Variants in SLC26A2 observed in about 807,000 individuals in gnomAD.
The protein encoded by SLC26A2 is sulfate transporter.
In SLC26A2, 36 loss-of-function variants were observed where a neutral mutation model predicts 41.1. The ratio of observed to expected loss-of-function variants is 0.88; its 90% CI spans 0.67 to 1.16. SLC26A2 has a LOEUF of 1.16. Among genes scored for constraint, SLC26A2 ranks in the 50% most tolerant of loss-of-function variants. The pLI, the probability that SLC26A2 is intolerant of heterozygous loss-of-function variation, is 0.00. For synonymous variants in SLC26A2, 291 were observed against 311.6 expected (o/e 0.93, Z 0.70); for missense variants, 796 against 869.6 (o/e 0.92, Z 1.07).
chr5:149,966,165 G>A (rs245052), intron 1 of SLC26A2, among the ~76,000 whole-genome samples: 3 of 152,058 alleles, frequency 2.0e-5, no homozygotes, highest in Non-Finnish European at 2.9e-5. Flanking sequence ...TCGGCCTTCC[G>A]AAGTGCTGAG....
rs962142283 is a variant in SLC26A2 at position 149,968,475 on chromosome 5, A to G, written c.-26+7496A>G. ...ACTCAGGCTGGAGTGCAGTGGCGCA[A>G]TCTTGGCTCACTGCAAGCTCCGCCT... On this transcript the variant is annotated intron_variant, in intron 1 of 2. Transcript: ENST00000286298. Among the ~76,000 whole-genome samples the G allele has an allele frequency of 1.1e-4, 17 of 152,138 alleles. No individual in the cohort carries two copies. In the East Asian group the frequency reaches 1.4e-3, roughly 12 times the overall value.
At chr5:149,963,352 C>A (rs1485307134) in intron 1 of SLC26A2, among the ~76,000 whole-genome samples, 1 of 151,622 alleles carries the variant, frequency 6.6e-6, no homozygotes, top group Non-Finnish European at 1.5e-5. Flanking sequence ...GATCTTGGCT[C>A]ACTGCAACCT....
chr5:149,978,058 G>A lies in SLC26A2; in HGVS notation c.406G>A (p.Glu136Lys), dbSNP rs1277394379. ...TGCTTATTCCCTGCTGGCTGGCCAA[G>A]AACCTGTCTATGGTCTGTACACATC... The part of the protein sequence containing the change: ...SIAYSLLAGQ[E>K]PVYGLYTSFF... Residue 136 changes from glutamate (E) to lysine (K), a missense_variant, in exon 2 of 3, where the codon GAA (glutamate) becomes AAA (lysine). Physicochemically the swap from Glu to Lys is moderately conservative, Grantham distance 56. Transcript: ENST00000286298. 1 of 1,613,152 alleles carries A rather than the reference G, an allele frequency of 6.2e-7. No homozygotes were observed. Among genetic ancestry groups the A allele is most frequent in the Non-Finnish European group, 8.5e-7 (1 of 1,179,494 alleles).
Position 149,984,173 on chromosome 5 carries a change from T to C in SLC26A2, c.*2360T>C, listed in dbSNP as rs547789788. 2 of 152,354 alleles carry C rather than the reference T, an allele frequency of 1.3e-5. No homozygotes were observed. Among genetic ancestry groups the C allele is most frequent in the South Asian group, 4.1e-4 (2 of 4,832 alleles). The allele number at this position is 152,354 out of a possible 1,614,324, so 9.4% of individuals were successfully genotyped here. ...CCTTGAATTATGTTCTGGTTTGTAC[T>C]TGTCCCATCCATCCAAACAAGAGAT... is the stretch of plus-strand genomic sequence containing the variant. On this transcript the variant is annotated 3_prime_UTR_variant, in exon 3 of 3. Coordinates refer to ENST00000286298, the MANE Select transcript of SLC26A2 (RefSeq NM_000112.4).
intron 1 of SLC26A2, among the ~76,000 whole-genome samples, chr5:149,965,168 A>G (rs1354291511): frequency 2.0e-5 from 3 of 152,162 alleles, no homozygotes; most frequent in African/African-American, 7.2e-5. Context: ...AGGCTTGTTC[A>G]AGTCATGATT....
In SLC26A2 at chr5:149,967,312, T is replaced by TGGTG. The variant is rs1409710235; in HGVS notation, c.-26+6333_-26+6334insGGTG. On this transcript the variant is annotated intron_variant, in intron 1 of 2. Transcript: ENST00000286298. Reference sequence around the variant, plus strand: ...TTCAAAGGTACTCTCTCTATATATATACATAAAACTGTCACCACAATCAAG... The same window carrying TGGTG: ...TTCAAAGGTACTCTCTCTATATATATGGTGACATAAAACTGTCACCACAATCAAG... Among the ~76,000 whole-genome samples, 4 of 152,328 alleles carry TGGTG rather than the reference T, an allele frequency of 2.6e-5. No homozygotes were observed. In the East Asian group the frequency reaches 7.7e-4, roughly 29 times the overall value.
rs1357678370 is a variant in SLC26A2, at chr5:149,986,731, ATGTT to A, written c.*4922_*4925del. The A allele has an allele frequency of 6.6e-6, 1 of 152,226 alleles. No individual in the cohort carries two copies. The highest frequency in any genetic ancestry group is 6.5e-5 in the Admixed American group (1 of 15,274). 9.4% of individuals were successfully genotyped at this position (152,226 alleles called of 1,614,324 possible). A position where few individuals can be genotyped will look rare whatever the true frequency, so the allele number is the denominator to read the frequency against. On this transcript the variant is annotated 3_prime_UTR_variant, in exon 3 of 3. Coordinates refer to ENST00000286298, the MANE Select transcript of SLC26A2 (RefSeq NM_000112.4). ...ACTAAATGCCTTTATTGTAGATACT[ATGTT>A]TGTAAGTCTATAGCTAAGCAACTTA... is the stretch of plus-strand genomic sequence containing the variant.
rs1483448968 is a variant in SLC26A2, at chr5:149,982,441, C to A, written c.*628C>A. ...AGGTTTATAACATCCTGAGAGCCAG[C>A]CTGACATTAGACAGAATACCCTTTG... On this transcript the variant is annotated 3_prime_UTR_variant, in exon 3 of 3. Coordinates refer to ENST00000286298, the MANE Select transcript of SLC26A2 (RefSeq NM_000112.4). 2 of 152,226 alleles carry A rather than the reference C, an allele frequency of 1.3e-5. No individual in the cohort carries two copies. Among genetic ancestry groups the A allele is most frequent in the African/African-American group, 2.4e-5 (1 of 41,430 alleles). 9.4% of individuals were successfully genotyped at this position (152,226 alleles called of 1,614,324 possible). A position where few individuals can be genotyped will look rare whatever the true frequency, so the allele number is the denominator to read the frequency against.
In SLC26A2 at chr5:149,966,159, C is replaced by A. The variant is rs981952355; in HGVS notation, c.-26+5180C>A. ...AGCTCAAGTGATCCGCATGCCTCGG[C>A]CTTCCGAAGTGCTGAGATTATAGTT... On this transcript the variant is annotated intron_variant, in intron 1 of 2. Coordinates refer to ENST00000286298, the MANE Select transcript of SLC26A2 (RefSeq NM_000112.4). Among the ~76,000 whole-genome samples, 2 of 152,208 alleles carry A rather than the reference C, an allele frequency of 1.3e-5. 1 individual carries two copies. The highest frequency in any genetic ancestry group is 2.9e-5 in the Non-Finnish European group (2 of 68,030).
At chr5:149,961,383 G>C (rs1754702214) in intron 1 of SLC26A2, among the ~76,000 whole-genome samples, 5 of 152,244 alleles carry the variant, frequency 3.3e-5, no homozygotes, top group Admixed American at 3.3e-4. Context: ...CGGCACAGGC[G>C]AGACGGCTTG....
intron 1 of SLC26A2, among the ~76,000 whole-genome samples, chr5:149,967,722 T>C (rs1754828913): frequency 6.6e-6 from 1 of 152,152 alleles, no homozygotes; most frequent in Non-Finnish European, 1.5e-5. Flanking sequence ...TCTTTCTCTA[T>C]GTATATGCCT....
Position 149,978,359 on chromosome 5 carries a change from G to A in SLC26A2, c.699+8G>A, listed in dbSNP as rs745671869. 6.3e-6 allele frequency: 10 copies of A among 1,598,668 alleles called. No individual in the cohort carries two copies. The highest frequency in any genetic ancestry group is 7.7e-6 in the Non-Finnish European group (9 of 1,169,688). ...ATAGCTGGAGTTTATCAGGTAAGCAGCAATGAAACAATTGGTTATTTCTAG... is the reference window on the plus strand; with the variant it reads ...ATAGCTGGAGTTTATCAGGTAAGCAACAATGAAACAATTGGTTATTTCTAG... On this transcript the variant is annotated splice_region_variant and intron_variant, in intron 2 of 2. Transcript: ENST00000286298.
chr5:149,975,431 T>C (rs186373726), intron 1 of SLC26A2, among the ~76,000 whole-genome samples: 216 of 152,350 alleles, frequency 1.4e-3, no homozygotes, highest in Non-Finnish European at 2.5e-3. Flanking sequence ...AGTTTTTTCT[T>C]ATGTCTCTTT....
At chr5:149,966,457 A>G (rs1754806996) in intron 1 of SLC26A2, among the ~76,000 whole-genome samples, 1 of 152,210 alleles carries the variant, frequency 6.6e-6, no homozygotes, top group Non-Finnish European at 1.5e-5. Flanking sequence ...ACTTAAACAC[A>G]CATACACAAA....
rs1755197447 is a variant in SLC26A2, at chr5:149,986,272, G to GT, written c.*4459_*4460insT. 8.3e-6 allele frequency: 1 copy of GT among 120,548 alleles called. No homozygotes were observed. The highest frequency in any genetic ancestry group is 3.7e-5 in the African/African-American group (1 of 26,730). The allele number at this position is 120,548 out of a possible 1,614,324, so 7.5% of individuals were successfully genotyped here. On this transcript the variant is annotated 3_prime_UTR_variant, in exon 3 of 3. Transcript: ENST00000286298. The stretch of plus-strand genomic sequence containing the variant: ...AAGCTGTTAGGCTCCTAATTCGTGG[G>GT]GTTTTTTTTTGTAAAAACAGTTTAG...
chr5:149,976,830 A>G (rs1754999407), intron 1 of SLC26A2, among the ~76,000 whole-genome samples: 1 of 152,240 alleles, frequency 6.6e-6, no homozygotes, highest in African/African-American at 2.4e-5. Context: ...TGTACTTAGA[A>G]TAGTAAAGTG....
rs777274719 is a variant in SLC26A2 at position 149,981,655 on chromosome 5, C to G, written c.2062C>G (p.Pro688Ala). ...CCAGGTTCTGCTGGCTCAGTGCAAT[C>G]CCACTGTGAGGGATTCCCTAACCAA... ...GIQVLLAQCN[P>A]TVRDSLTNGE... The change falls in exon 3 of 3, where the codon CCC (proline) becomes GCC (alanine). Residue 688 changes from proline to alanine, a missense_variant. Coordinates refer to ENST00000286298, the MANE Select transcript of SLC26A2 (RefSeq NM_000112.4). 7 of 1,613,748 alleles carry G rather than the reference C, an allele frequency of 4.3e-6. No homozygotes were observed. The African/African-American group carries it at 9.3e-5, about 22-fold the overall frequency.
intron 1 of SLC26A2, among the ~76,000 whole-genome samples, chr5:149,969,062 C>T (rs1443907559): frequency 6.6e-6 from 1 of 152,128 alleles, no homozygotes; most frequent in Non-Finnish European, 1.5e-5. Context: ...TTTAAAGAAA[C>T]AAAAATTTTT....
chr5:149,975,129 TTGA>T (rs1160004157), intron 1 of SLC26A2, among the ~76,000 whole-genome samples: 7 of 152,192 alleles, frequency 4.6e-5, no homozygotes, highest in Non-Finnish European at 1.0e-4. Flanking sequence ...TGTTACATTG[TTGA>T]TATTGGGGGT....
Sources: gnomAD v4.1 joint callset for allele counts (sites outside exome capture counted in the v4.1 genomes callset) on GRCh38, gnomAD v4.1.1 for gene constraint, MANE v1.5 for transcripts, NCBI Gene and HGNC (gene_info 2026-07-23, HGNC 2026-07-21) for gene names.